The following FNDC3B variants were observed in gnomAD, a reference collection of about 807,000 sequenced individuals.
FNDC3B encodes the protein fibronectin type III domain containing 3B.
In FNDC3B, 12 loss-of-function variants were observed where a neutral mutation model predicts 151.5. That is an observed-to-expected ratio of 0.08 (90% CI 0.05 to 0.13). The LOEUF (loss-of-function observed/expected upper bound fraction) is 0.13, where lower values mean the gene tolerates loss of function less well. Among genes scored for constraint, FNDC3B ranks in the 10% least tolerant of loss-of-function variants. FNDC3B has a pLI of 1.00. For synonymous variants in FNDC3B, 528 were observed against 549.0 expected, an observed-to-expected ratio of 0.96 and a Z score of 0.54; for missense variants, 1,214 against 1,505.3, an observed-to-expected ratio of 0.81 and a Z score of 3.20.
intron 1 of FNDC3B, among the ~76,000 whole-genome samples, chr3:172,051,250 A>T (rs766569475): frequency 5.4e-4 from 80 of 147,524 alleles, no homozygotes; most frequent in Non-Finnish European, 8.3e-4. Flanking sequence ...TACCTGGCTA[A>T]TTTTGTATTT....
chr3:172,386,899 G>T (rs1281010646), intron 25 of FNDC3B, among the ~76,000 whole-genome samples: 1 of 152,016 alleles, frequency 6.6e-6, no homozygotes, highest in African/African-American at 2.4e-5. Flanking sequence ...ATTCTACATG[G>T]TATCACAAAG....
At chr3:172,127,353 T>A (rs1334838075) in intron 2 of FNDC3B, among the ~76,000 whole-genome samples, 2 of 152,206 alleles carry the variant, frequency 1.3e-5, no homozygotes, top group East Asian at 1.9e-4. Context: ...CCACGCCTAG[T>A]AGAGGGGAGA....
intron 2 of FNDC3B, chr3:172,126,997 A>T (rs4894810): frequency 0.65 from 295,381 of 456,322 alleles, 97,822 homozygotes; most frequent in East Asian, 0.75. Context: ...ATGTGAATGC[A>T]TTGGGAGGTG....
rs1024301539 is a variant in FNDC3B at position 172,344,251 on chromosome 3, A to T, written c.2243A>T (p.Asp748Val). The T allele has an allele frequency of 1.2e-5, 20 of 1,613,606 alleles. No homozygotes were observed. Among genetic ancestry groups the T allele is most frequent in the African/African-American group, 2.7e-5 (2 of 74,878 alleles). ...CGCTTCCGGGTGAGGGCTCTGAATGATGGAGGGGTGAGTATAAGCCCATAC... is the reference window on the plus strand; with the variant it reads ...CGCTTCCGGGTGAGGGCTCTGAATGTTGGAGGGGTGAGTATAAGCCCATAC... ...VYRFRVRALN[D>V]GGYGPYSDVS... Residue 748 changes from aspartate (D) to valine (V), a missense_variant, in exon 19 of 26, where the codon GAT becomes GTT. Transcript: ENST00000415807.
rs560999431 is a variant in FNDC3B, at chr3:172,266,461, G to A, written c.790+14920G>A. 5.3e-5 allele frequency among the ~76,000 whole-genome samples: 8 copies of A among 152,258 alleles called. 1 individual carries two copies. The South Asian group carries it at 1.7e-3, about 32-fold the overall frequency. ...GTAGTTGGGACTATAGGCATACACCGCCGTGCCTGGCAAAGCCAGTGATTT... is the reference window on the plus strand; with the variant it reads ...GTAGTTGGGACTATAGGCATACACCACCGTGCCTGGCAAAGCCAGTGATTT... On this transcript the variant is annotated intron_variant, in intron 6 of 25. Coordinates refer to ENST00000415807, the MANE Select transcript of FNDC3B (RefSeq NM_022763.4).
intron 22 of FNDC3B, among the ~76,000 whole-genome samples, chr3:172,359,014 G>C (rs189739006): frequency 7.7e-6 from 1 of 129,424 alleles, no homozygotes; most frequent in African/African-American, 3.0e-5. Flanking sequence ...GGTGGTGGTG[G>C]TGGTGATGGT....
At chr3:172,063,110 C>T (rs1363214991) in intron 1 of FNDC3B, among the ~76,000 whole-genome samples, 6 of 152,060 alleles carry the variant, frequency 3.9e-5, no homozygotes, top group Non-Finnish European at 7.4e-5. Context: ...TACATTTTTT[C>T]GTTATATACT....
intron 3 of FNDC3B, among the ~76,000 whole-genome samples, chr3:172,200,739 C>T (rs1439579412): frequency 1.3e-5 from 2 of 152,088 alleles, no homozygotes; most frequent in Non-Finnish European, 2.9e-5. Context: ...GGAGGAGCAT[C>T]TGTAATTGTT....
intron 3 of FNDC3B, among the ~76,000 whole-genome samples, chr3:172,161,990 G>C (rs28570116): frequency 3.5e-5 from 2 of 57,944 alleles, no homozygotes; most frequent in Non-Finnish European, 8.4e-5. Context: ...TTTTTTTTTT[G>C]GGGGGGGACA....
intron 3 of FNDC3B, among the ~76,000 whole-genome samples, chr3:172,200,859 T>A (rs141886139): frequency 5.9e-5 from 9 of 152,234 alleles, no homozygotes; most frequent in African/African-American, 2.2e-4. Flanking sequence ...TAAAAATGGA[T>A]CTTGTTGTTT....
At chr3:172,083,410 C>T (rs931783554) in intron 1 of FNDC3B, among the ~76,000 whole-genome samples, 15 of 152,244 alleles carry the variant, frequency 9.9e-5, no homozygotes, top group Admixed American at 3.9e-4. Flanking sequence ...GCTTTTATAG[C>T]ATGCAGTAAA....
intron 1 of FNDC3B, among the ~76,000 whole-genome samples, chr3:172,099,080 G>A (rs1047824565): frequency 1.3e-5 from 2 of 152,188 alleles, no homozygotes; most frequent in East Asian, 3.8e-4. Flanking sequence ...TTTATTTATA[G>A]CGGCCAGTGG....
intron 3 of FNDC3B, among the ~76,000 whole-genome samples, chr3:172,189,727 G>A (rs1470942358): frequency 1.3e-5 from 2 of 148,306 alleles, no homozygotes; most frequent in East Asian, 4.0e-4. Flanking sequence ...CCTGAGCCTG[G>A]GAGGTTGAGG....
intron 3 of FNDC3B, among the ~76,000 whole-genome samples, chr3:172,203,905 C>T (rs555454190): frequency 1.3e-5 from 2 of 152,254 alleles, no homozygotes; most frequent in Admixed American, 6.5e-5. Flanking sequence ...CTAAGAAAGC[C>T]GTTGGGACCC....
intron 3 of FNDC3B, among the ~76,000 whole-genome samples, chr3:172,185,212 T>C (rs374791868): frequency 2.6e-5 from 4 of 152,194 alleles, no homozygotes; most frequent in Non-Finnish European, 4.4e-5. Context: ...ACATGACATA[T>C]AGATTTTTCA....
Position 172,260,806 on chromosome 3 carries a change from G to A in FNDC3B, c.790+9265G>A, listed in dbSNP as rs143560905. ...AAGAATAAAATGCAGTCCTCTCTCC[G>A]TGCTTTTTCCCTGTCACCTCTCTGG... On this transcript the variant is annotated intron_variant, in intron 6 of 25. Coordinates refer to ENST00000415807, the MANE Select transcript of FNDC3B (RefSeq NM_022763.4). 2.5e-3 allele frequency among the ~76,000 whole-genome samples: 387 copies of A among 152,206 alleles called. 1 individual carries two copies. Among genetic ancestry groups the A allele is most frequent in the Middle Eastern group, 0.014 (4 of 294 alleles).
At chr3:172,246,629 G>A (rs1024620352) in intron 4 of FNDC3B, among the ~76,000 whole-genome samples, 2 of 152,244 alleles carry the variant, frequency 1.3e-5, no homozygotes, top group African/African-American at 4.8e-5. Context: ...GTGCATGCCT[G>A]TAGTCCCAGC....
At chr3:172,295,229 C>T in intron 7 of FNDC3B, 134 bp from the exon 8 acceptor site, 1 of 780,714 alleles carries the variant, frequency 1.3e-6, no homozygotes, top group South Asian at 1.9e-5. Context: ...AAGAGAGCAC[C>T]ATATAAGATG....
chr3:172,234,804 T>C (rs1212742269), intron 4 of FNDC3B, among the ~76,000 whole-genome samples: 1 of 152,212 alleles, frequency 6.6e-6, no homozygotes, highest in Non-Finnish European at 1.5e-5. Flanking sequence ...ATATTTGTCA[T>C]ATGTAATAAC....
Sources: gnomAD v4.1 joint callset for allele counts (sites outside exome capture counted in the v4.1 genomes callset) on GRCh38, gnomAD v4.1.1 for gene constraint, MANE v1.5 for transcripts, NCBI Gene and HGNC (gene_info 2026-07-23, HGNC 2026-07-21) for gene names.